The following PPP2R5C variants were observed in gnomAD, a reference collection of about 807,000 sequenced individuals.
PPP2R5C encodes the protein protein phosphatase 2 regulatory subunit B'gamma.
PPP2R5C carries 7 observed loss-of-function variants against 68.9 expected under a neutral mutation model. The observed-to-expected ratio is 0.10, with a 90% CI of 0.06 to 0.19. PPP2R5C has a LOEUF of 0.19. Ranked by LOEUF, PPP2R5C falls within the 10% of genes least tolerant of loss-of-function variation. The pLI is 1.00. For synonymous variants in PPP2R5C, 210 were observed against 222.2 expected (o/e 0.95, Z 0.49); for missense variants, 348 against 641.3 (o/e 0.54, Z 4.94).
intron 1 of PPP2R5C, among the ~76,000 whole-genome samples, chr14:101,830,793 A>G (rs969192511): frequency 6.6e-6 from 1 of 152,226 alleles, no homozygotes; most frequent in African/African-American, 2.4e-5. Context: ...AGAAGCAGCA[A>G]TAGAGCCTGC....
intron 1 of PPP2R5C, among the ~76,000 whole-genome samples, chr14:101,850,680 G>A (rs185729031): frequency 3.0e-4 from 45 of 152,330 alleles, no homozygotes; most frequent in Admixed American, 2.9e-3. Context: ...AGGTGGTGCA[G>A]GATGAGGCAG....
intron 1 of PPP2R5C, among the ~76,000 whole-genome samples, chr14:101,852,899 T>A (rs992534346): frequency 1.2e-4 from 18 of 152,354 alleles, no homozygotes; most frequent in Admixed American, 8.5e-4. Flanking sequence ...ATTGAGGATT[T>A]ATCTTGAAAT....
chr14:101,763,047 G>A, intron 2 of PPP2R5C, 77 bp downstream of exon 2: 1 of 1,256,258 alleles, frequency 8.0e-7, no homozygotes, highest in Non-Finnish European at 1.1e-6. Context: ...GAGTGATAAA[G>A]CCTAGAATCT....
chr14:101,801,023 G>A (rs762289058), intron 3 of PPP2R5C, among the ~76,000 whole-genome samples: 33 of 152,264 alleles, frequency 2.2e-4, no homozygotes, highest in Non-Finnish European at 3.4e-4. Flanking sequence ...AAAAATAATG[G>A]ATCTCATGGA....
chr14:101,816,927 A>AAT (rs567552488), intron 1 of PPP2R5C, among the ~76,000 whole-genome samples: 2,757 of 140,720 alleles, frequency 0.02, 106 homozygotes, highest in African/African-American at 0.069. Context: ...ATATTTATAT[A>AAT]ATATATATAA....
chr14:101,842,043 G>A (rs975762330), intron 1 of PPP2R5C, among the ~76,000 whole-genome samples: 1 of 152,122 alleles, frequency 6.6e-6, no homozygotes, highest in African/African-American at 2.4e-5. Flanking sequence ...ACCAAACCCT[G>A]CTGTGTCAGG....
Position 101,802,921 on chromosome 14 carries a change from T to C in PPP2R5C, c.259+16738T>C, listed in dbSNP as rs78940518. Among the ~76,000 whole-genome samples the C allele has an allele frequency of 6.3e-3, 780 of 124,074 alleles. 1 individual carries two copies. The highest frequency in any genetic ancestry group is 9.5e-3 in the Non-Finnish European group (584 of 61,660). 81.4% of individuals were successfully genotyped at this position (124,074 alleles called of 152,430 possible). On this transcript the variant is annotated intron_variant, in intron 3 of 14. Coordinates refer to the PPP2R5C transcript ENST00000328724. ...AATGAAAATCAAAATTACAGTGAGATACTTCACACCCACTAGGATGGCTAC... is the reference window on the plus strand; with the variant it reads ...AATGAAAATCAAAATTACAGTGAGACACTTCACACCCACTAGGATGGCTAC...
chr14:101,804,454 G>C (rs1183067642), intron 3 of PPP2R5C, among the ~76,000 whole-genome samples: 2 of 152,084 alleles, frequency 1.3e-5, no homozygotes, highest in Non-Finnish European at 2.9e-5. Flanking sequence ...CAATAGCTAA[G>C]GTTTGGAAGC....
In PPP2R5C at chr14:101,771,663, G is replaced by A. The variant is rs890347807; in HGVS notation, c.93+8693G>A. 6.6e-5 allele frequency among the ~76,000 whole-genome samples: 10 copies of A among 152,224 alleles called. No individual in the cohort carries two copies. In the East Asian group the frequency reaches 1.8e-3, roughly 27 times the overall value. On this transcript the variant is annotated intron_variant, in intron 2 of 14. Coordinates refer to the PPP2R5C transcript ENST00000328724. Reference sequence around the variant, plus strand: ...GAATTGCTTGAAAACCTGGGCGGCAGAGGTTGCAGTGAGCTGAGATCACAC... The same window carrying A: ...GAATTGCTTGAAAACCTGGGCGGCAAAGGTTGCAGTGAGCTGAGATCACAC...
At chr14:101,844,757 A>G (rs77987306) in intron 1 of PPP2R5C, among the ~76,000 whole-genome samples, 1,617 of 152,334 alleles carry the variant, frequency 0.011, 28 homozygotes, top group African/African-American at 0.036. Flanking sequence ...AATCAATTTC[A>G]AGATGGAATT....
intron 7 of PPP2R5C, among the ~76,000 whole-genome samples, chr14:101,893,468 C>A (rs755010022): frequency 6.6e-6 from 1 of 152,078 alleles, no homozygotes; most frequent in Non-Finnish European, 1.5e-5. Flanking sequence ...CCTATGAAAA[C>A]GTTTTTTAAA....
At chr14:101,787,604 A>G (rs1268969561) in intron 3 of PPP2R5C, among the ~76,000 whole-genome samples, 1 of 151,968 alleles carries the variant, frequency 6.6e-6, no homozygotes, top group African/African-American at 2.4e-5. Flanking sequence ...TCTACTAAAA[A>G]TACAAAAACA....
At chr14:101,817,900 C>T (rs2039818205) in intron 1 of PPP2R5C, 1 of 152,154 alleles carries the variant, frequency 6.6e-6, no homozygotes, top group Admixed American at 6.5e-5. Context: ...TTGTCTCTTT[C>T]GTAGGTCACG....
Position 101,884,525 on chromosome 14 carries a change from A to T in PPP2R5C, c.629+963A>T, listed in dbSNP as rs144697412. Among the ~76,000 whole-genome samples, 3 of 152,296 alleles carry T rather than the reference A, an allele frequency of 2.0e-5. No homozygotes were observed. The East Asian group carries it at 5.8e-4, about 29-fold the overall frequency. ...GTCATTCATCTGTAGAAAGCCTGAG[A>T]TCTGTGCACCTCGGTTAAAGGTTTG... On this transcript the variant is annotated intron_variant, in intron 5 of 13. Coordinates refer to ENST00000334743, the Ensembl canonical transcript of PPP2R5C.
intron 3 of PPP2R5C, among the ~76,000 whole-genome samples, chr14:101,800,871 A>G (rs889901555): frequency 6.6e-6 from 1 of 152,212 alleles, no homozygotes; most frequent in Non-Finnish European, 1.5e-5. Flanking sequence ...CATATAGACA[A>G]TGGAATATTA....
chr14:101,831,945 A>G, intron 1 of PPP2R5C: 1 of 544,156 alleles, frequency 1.8e-6, no homozygotes, highest in Non-Finnish European at 3.3e-6. Flanking sequence ...TGAAGGCAAA[A>G]CTTAAAAAAG....
chr14:101,889,528 C>T (rs2044725103), intron 5 of PPP2R5C, among the ~76,000 whole-genome samples: 1 of 152,210 alleles, frequency 6.6e-6, no homozygotes, highest in Admixed American at 6.5e-5. Flanking sequence ...AAGTCCTTGG[C>T]CCTGTCTTTG....
chr14:101,817,486 A>G (rs1489700614), intron 1 of PPP2R5C, among the ~76,000 whole-genome samples: 3 of 152,238 alleles, frequency 2.0e-5, no homozygotes, highest in African/African-American at 7.2e-5. Flanking sequence ...AGACGGCCAC[A>G]CCATCTGACA....
intron 1 of PPP2R5C, 111 bp downstream of exon 1, chr14:101,762,031 G>A: frequency 9.4e-7 from 1 of 1,060,338 alleles, no homozygotes. Context: ...CCCGCCTGAC[G>A]CCGCGGGCTT....
Sources: gnomAD v4.1 joint callset for allele counts (sites outside exome capture counted in the v4.1 genomes callset) on GRCh38, gnomAD v4.1.1 for gene constraint, MANE v1.5 for transcripts, NCBI Gene and HGNC (gene_info 2026-07-23, HGNC 2026-07-21) for gene names.